YJEFN3: variants seen among roughly 807,000 people sequenced by gnomAD.
YJEFN3 encodes yjeF N-terminal domain-containing protein 3.
Under a neutral mutation model 31.5 loss-of-function variants are expected in YJEFN3, and 29 were observed. The observed-to-expected ratio is 0.92, with a 90% CI of 0.69 to 1.26. The LOEUF (loss-of-function observed/expected upper bound fraction) is 1.26, where lower values mean the gene tolerates loss of function less well. YJEFN3 is among the 50% of genes most tolerant of loss of function. The pLI is 0.00. For missense variants in YJEFN3, 442 were observed against 425.4 expected (o/e 1.04, Z -0.34); for synonymous variants, 227 against 196.1 (o/e 1.16, Z -1.32).
At chr19:19,535,741 C>T (rs773601698) in intron 6 of YJEFN3, 62 bp downstream of exon 6, 31 of 1,531,196 alleles carry the variant, frequency 2.0e-5, no homozygotes, top group Non-Finnish European at 2.6e-5. Context: ...CCCCTGTGCC[C>T]CAGCTCCTGG....
chr19:19,532,555 T>C (rs959531575), intron 2 of YJEFN3, 77 bp from the exon 3 acceptor site: 18 of 1,044,146 alleles, frequency 1.7e-5, no homozygotes, highest in Middle Eastern at 2.1e-4. Context: ...GTTCAGAAGC[T>C]TGGCGGAACA....
At chr19:19,535,745 C>T in intron 6 of YJEFN3, 66 bp downstream of exon 6, 1 of 1,524,542 alleles carries the variant, frequency 6.6e-7, no homozygotes, top group Middle Eastern at 1.7e-4. Context: ...TGTGCCCCAG[C>T]TCCTGGTCGC....
chr19:19,532,778 G>T, intron 3 of YJEFN3, 38 bp downstream of exon 3: 1 of 1,465,438 alleles, frequency 6.8e-7, no homozygotes, highest in Admixed American at 2.0e-5. Context: ...ACCCCAACCA[G>T]ACGGCCAACT....
chr19:19,529,266 C>A, intron 1 of YJEFN3, 98 bp from the exon 2 acceptor site: 2 of 1,470,220 alleles, frequency 1.4e-6, no homozygotes, highest in South Asian at 2.9e-5. Flanking sequence ...AAACTGCCTC[C>A]GGGGCAGCCC....
chr19:19,534,059 G>C lies in YJEFN3; in HGVS notation c.319-975G>C. Reference sequence around the variant, plus strand: ...AAGAGACACCCAGAGTGCCTGTCAGGCGGTGGCACTGTCATCGCATTTGAT... The same window carrying C: ...AAGAGACACCCAGAGTGCCTGTCAGCCGGTGGCACTGTCATCGCATTTGAT... On this transcript the variant is annotated intron_variant, in intron 3 of 6. Coordinates refer to ENST00000514277, the MANE Select transcript of YJEFN3 (RefSeq NM_198537.4). The surrounding 1 kb of genome is among the most constrained non-coding windows in gnomAD (Gnocchi z 4.6). 1 of 985,578 alleles carries C rather than the reference G, an allele frequency of 1.0e-6. No individual in the cohort carries two copies. The highest frequency in any genetic ancestry group is 4.7e-5 in the South Asian group (1 of 21,304). 61.1% of individuals were successfully genotyped at this position (985,578 alleles called of 1,614,324 possible).
chr19:19,530,650 T>G (rs954426067), intron 2 of YJEFN3, among the ~76,000 whole-genome samples: 3 of 152,158 alleles, frequency 2.0e-5, no homozygotes, highest in Non-Finnish European at 2.9e-5. Context: ...CCTGCCAGAT[T>G]CCTCACCCCG....
chr19:19,535,040 C>T lies in YJEFN3; in HGVS notation c.325C>T (p.Pro109Ser). The change falls in exon 4 of 7, where the codon CCG (proline) becomes TCG (serine). Residue 109 changes from proline (P) to serine (S), a missense_variant. Pro to Ser is a moderately conservative substitution (Grantham distance 74, BLOSUM62 -1). Coordinates refer to ENST00000514277, the MANE Select transcript of YJEFN3 (RefSeq NM_198537.4). ...ASAVAVTKAF[P>S]LPALSRKQRT... Reference sequence around the variant, plus strand: ...CTGTGTCCCCTACCACCAGGCGTTCCCGTTGCCCGCTCTCTCCCGGAAGCA... The same window carrying T: ...CTGTGTCCCCTACCACCAGGCGTTCTCGTTGCCCGCTCTCTCCCGGAAGCA... 6.3e-7 allele frequency: 1 copy of T among 1,598,160 alleles called. No homozygotes were observed. The highest frequency in any genetic ancestry group is 8.5e-7 in the Non-Finnish European group (1 of 1,172,124).
intron 6 of YJEFN3, chr19:19,536,080 G>A (rs1473783990): frequency 3.3e-5 from 16 of 490,294 alleles, no homozygotes; most frequent in Non-Finnish European, 4.3e-5. Flanking sequence ...GCTGGACTCC[G>A]GGGGATGTCC....
In YJEFN3 at chr19:19,534,757, A is replaced by AAT. The variant is rs574957108; in HGVS notation, c.319-275_319-274dup. The stretch of plus-strand genomic sequence containing the variant: ...AAGAATGTCTGCAACTCAGGCGGAG[A>AAT]ATAAACAAACCGCACTCCGGGCGAC... On this transcript the variant is annotated intron_variant, in intron 3 of 6. Coordinates refer to ENST00000514277, the MANE Select transcript of YJEFN3 (RefSeq NM_198537.4). The surrounding 1 kb of genome is among the most constrained non-coding windows in gnomAD (Gnocchi z 4.6). 1.5e-3 allele frequency: 496 copies of AAT among 326,960 alleles called. 3 individuals carry two copies. Among genetic ancestry groups the AAT allele is most frequent in the Non-Finnish European group, 2.1e-3 (378 of 179,160 alleles). The allele number at this position is 326,960 out of a possible 1,614,324, so 20.3% of individuals were successfully genotyped here. A position where few individuals can be genotyped will look rare whatever the true frequency, so the allele number is the denominator to read the frequency against.
At chr19:19,529,048 G>T (rs1222526007) in intron 1 of YJEFN3, 57 bp downstream of exon 1, 1 of 1,544,654 alleles carries the variant, frequency 6.5e-7, no homozygotes, top group Non-Finnish European at 8.7e-7. Context: ...GCCAGGAGCA[G>T]CCCGTAGGAC....
intron 2 of YJEFN3, among the ~76,000 whole-genome samples, chr19:19,529,938 G>A (rs932979537): frequency 2.6e-5 from 4 of 152,192 alleles, no homozygotes; most frequent in African/African-American, 9.7e-5. Context: ...TTTGGGACCC[G>A]GTGATGCAAT....
chr19:19,533,351 G>T lies in YJEFN3; in HGVS notation c.318+611G>T. On this transcript the variant is annotated intron_variant, in intron 3 of 6. Transcript: ENST00000514277. ...GGTACTGACGAGTCAGTCCCTAAAC[G>T]TGAACGCCTCAGAAAACTGTCCCAT... 3 of 985,666 alleles carry T rather than the reference G, an allele frequency of 3.0e-6. No individual in the cohort carries two copies. The South Asian group carries it at 1.4e-4, about 46-fold the overall frequency. 61.1% of individuals were successfully genotyped at this position (985,666 alleles called of 1,614,324 possible). A position where few individuals can be genotyped will look rare whatever the true frequency, so the allele number is the denominator to read the frequency against.
intron 3 of YJEFN3, chr19:19,533,290 C>T (rs2061175985): frequency 1.0e-6 from 1 of 985,978 alleles, no homozygotes; most frequent in Non-Finnish European, 1.2e-6. Context: ...GCCAGCAGTG[C>T]TGGGCATCAG....
intron 2 of YJEFN3, among the ~76,000 whole-genome samples, chr19:19,532,246 C>T (rs1189138676): frequency 6.6e-6 from 1 of 152,268 alleles, no homozygotes; most frequent in Non-Finnish European, 1.5e-5. Flanking sequence ...GAAATCAGCC[C>T]ATCGCCCCCA....
Position 19,534,936 on chromosome 19 carries a change from A to C in YJEFN3, c.319-98A>C, listed in dbSNP as rs557532595. On this transcript the variant is annotated intron_variant, in intron 3 of 6. Coordinates refer to ENST00000514277, the MANE Select transcript of YJEFN3 (RefSeq NM_198537.4). This position sits in a 1 kb window ranked among gnomAD's most constrained non-coding sequence, Gnocchi z 4.6. ...GTCCTATCCTGTTGCCTCCAGGCCC[A>C]AGCCCCATCCCTTCCCCTACTCCGG... 2.6e-5 allele frequency: 29 copies of C among 1,100,040 alleles called. No individual in the cohort carries two copies. Among genetic ancestry groups the C allele is most frequent in the Non-Finnish European group, 3.6e-5 (28 of 784,116 alleles). 68.1% of individuals were successfully genotyped at this position (1,100,040 alleles called of 1,614,324 possible). A position where few individuals can be genotyped will look rare whatever the true frequency, so the allele number is the denominator to read the frequency against.
Position 19,535,499 on chromosome 19 carries a change from G to A in YJEFN3, c.544-30G>A, listed in dbSNP as rs764882500. ...GGGGACATGGTGTGCAGTGGCCCTGGGCCACCCTGACCCTGCCTGCCTTCC... is the reference window on the plus strand; with the variant it reads ...GGGGACATGGTGTGCAGTGGCCCTGAGCCACCCTGACCCTGCCTGCCTTCC... On this transcript the variant is annotated intron_variant, in intron 5 of 6. Coordinates refer to ENST00000514277, the MANE Select transcript of YJEFN3 (RefSeq NM_198537.4). The A allele has an allele frequency of 3.7e-6, 6 of 1,611,914 alleles. No individual in the cohort carries two copies. In the South Asian group the frequency reaches 6.6e-5, roughly 18 times the overall value.
chr19:19,529,189 C>T (rs1358006105), intron 1 of YJEFN3, 175 bp from the exon 2 acceptor site: 2 of 1,448,900 alleles, frequency 1.4e-6, no homozygotes, highest in Middle Eastern at 2.6e-4. Context: ...CAAGACGGGC[C>T]TGGGAATCCC....
At chr19:19,533,405 C>T in intron 3 of YJEFN3, 1 of 986,392 alleles carries the variant, frequency 1.0e-6, no homozygotes, top group Non-Finnish European at 1.2e-6. Context: ...TGACTGCCTC[C>T]TCTTCCTCCC....
intron 3 of YJEFN3, chr19:19,533,669 C>T (rs1353581806): frequency 2.1e-5 from 21 of 985,062 alleles, no homozygotes; most frequent in Admixed American, 6.2e-5. Flanking sequence ...CTTATTACCA[C>T]GGTATACTTT....
Sources: gnomAD v4.1 joint callset for allele counts (sites outside exome capture counted in the v4.1 genomes callset) on GRCh38, gnomAD v4.1.1 for gene constraint, Gnocchi (gnomAD v3.1) non-coding constraint, MANE v1.5 for transcripts, NCBI Gene and HGNC (gene_info 2026-07-23, HGNC 2026-07-21) for gene names.